Variants in PCDHA10 observed in about 807,000 individuals in gnomAD.
The protein encoded by PCDHA10 is protocadherin alpha 10.
PCDHA10 carries 45 observed loss-of-function variants against 61.2 expected under a neutral mutation model. The ratio of observed to expected loss-of-function variants is 0.74; its 90% CI spans 0.58 to 0.94. The LOEUF (loss-of-function observed/expected upper bound fraction) is 0.94. Among genes scored for constraint, PCDHA10 ranks in the 40% least tolerant of loss-of-function variants. The pLI is 0.00. For missense variants in PCDHA10, 1,278 were observed against 1,236.2 expected (o/e 1.03, Z -0.51); for synonymous variants, 602 against 548.8 (o/e 1.10, Z -1.35).
intron 1 of PCDHA10, among the ~76,000 whole-genome samples, chr5:140,878,558 C>T: frequency 6.6e-6 from 1 of 152,172 alleles, no homozygotes; most frequent in African/African-American, 2.4e-5. Flanking sequence ...TGATCCCAAA[C>T]TTATCATAGT....
chr5:140,924,712 T>C (rs1481544117), intron 1 of PCDHA10, among the ~76,000 whole-genome samples: 1 of 151,870 alleles, frequency 6.6e-6, no homozygotes, highest in African/African-American at 2.4e-5. Context: ...TTGTGCAACA[T>C]GGCGAAACCT....
At chr5:140,968,659 C>A (rs781863651) in intron 1 of PCDHA10, 6 of 1,614,160 alleles carry the variant, frequency 3.7e-6, no homozygotes, top group East Asian at 2.2e-5. Context: ...CTGACCTGGA[C>A]CTCTTTAAGG....
Position 140,857,399 on chromosome 5 carries a change from G to C in PCDHA10, c.1351G>C (p.Ala451Pro), listed in dbSNP as rs375062704. The change falls in exon 1 of 4, where the codon GCG becomes CCG. Residue 451 changes from alanine to proline, a missense_variant. By Grantham distance (27) the Ala-to-Pro change is conservative. Transcript: ENST00000307360. ...SVEVADVNDN[A>P]PAFAQSEYTV... is the part of the protein sequence containing the mutation. ...GGAGGTGGCCGACGTGAACGACAAC[G>C]CGCCTGCGTTCGCGCAGTCCGAGTA... The C allele has an allele frequency of 2.5e-6, 4 of 1,598,394 alleles. No individual in the cohort carries two copies. Among genetic ancestry groups the C allele is most frequent in the Admixed American group, 3.4e-5 (2 of 59,326 alleles).
chr5:141,003,740 C>T (rs1490080996), intron 3 of PCDHA10, among the ~76,000 whole-genome samples: 1 of 152,146 alleles, frequency 6.6e-6, no homozygotes, highest in African/African-American at 2.4e-5. Flanking sequence ...AAAGCAAAAC[C>T]ATATTTTGTA....
Position 140,997,511 on chromosome 5 carries a change from G to A in PCDHA10, c.2537-12116G>A, listed in dbSNP as rs565737825. Among the ~76,000 whole-genome samples, 79 of 152,108 alleles carry A rather than the reference G, an allele frequency of 5.2e-4. No individual in the cohort carries two copies. In the South Asian group the frequency reaches 1.0e-2, roughly 19 times the overall value. ...TTTGTGTATCTCAACATACCTAAACGCAGAAAAAGTACAATAAAAATACAT... is the reference window on the plus strand; with the variant it reads ...TTTGTGTATCTCAACATACCTAAACACAGAAAAAGTACAATAAAAATACAT... On this transcript the variant is annotated intron_variant, in intron 3 of 3. Transcript: ENST00000307360.
At chr5:141,004,156 A>G (rs2098155888) in intron 3 of PCDHA10, among the ~76,000 whole-genome samples, 1 of 152,248 alleles carries the variant, frequency 6.6e-6, no homozygotes, top group Admixed American at 6.5e-5. Flanking sequence ...GACATTTTAT[A>G]GGCAAAGCCA....
chr5:140,877,366 A>G (rs1358364554), intron 1 of PCDHA10: 1 of 1,613,868 alleles, frequency 6.2e-7, no homozygotes, highest in Non-Finnish European at 8.5e-7. Context: ...TGGCGAGATC[A>G]GCACGACACG....
chr5:140,870,028 T>G, intron 1 of PCDHA10: 1 of 1,613,550 alleles, frequency 6.2e-7, no homozygotes, highest in Non-Finnish European at 8.5e-7. Context: ...AACTTTAGAT[T>G]ATGAAGAAAA....
In PCDHA10 at chr5:140,877,160, C is replaced by A. The variant is rs782531082; in HGVS notation, c.2388+18724C>A. 4 of 1,613,814 alleles carry A rather than the reference C, an allele frequency of 2.5e-6. No individual in the cohort carries two copies. Among genetic ancestry groups the A allele is most frequent in the African/African-American group, 2.7e-5 (2 of 75,052 alleles). On this transcript the variant is annotated intron_variant, in intron 1 of 3. Transcript: ENST00000307360. ...GTGCTGGACGAGAACGACAACGCGC[C>A]GGCACTGCTGGCGACTCCGGCTGGC...
intron 1 of PCDHA10, among the ~76,000 whole-genome samples, chr5:140,955,950 C>G (rs2095241045): frequency 6.6e-6 from 1 of 151,920 alleles, no homozygotes; most frequent in African/African-American, 2.4e-5. Flanking sequence ...TGTCTACTTG[C>G]TTGTTGTTTG....
At chr5:140,925,812 A>G (rs2082739434) in intron 1 of PCDHA10, among the ~76,000 whole-genome samples, 1 of 151,890 alleles carries the variant, frequency 6.6e-6, no homozygotes. Flanking sequence ...TCCACTTCTC[A>G]CGTCTTCTTT....
chr5:140,885,335 A>T (rs183720535), intron 1 of PCDHA10, among the ~76,000 whole-genome samples: 2 of 152,246 alleles, frequency 1.3e-5, no homozygotes, highest in East Asian at 3.9e-4. Context: ...CCAAAGTTTG[A>T]AGGGATTTCC....
chr5:141,006,441 C>T (rs2098274470), intron 3 of PCDHA10, among the ~76,000 whole-genome samples: 1 of 152,110 alleles, frequency 6.6e-6, no homozygotes, highest in Non-Finnish European at 1.5e-5. Flanking sequence ...TCTCAATCTC[C>T]TGACCTCGAG....
At position 141,011,610 on chromosome 5, in the gene PCDHA10, A is replaced by G. The variant is rs1259686391; in HGVS notation, c.*1673A>G. ...ACTGGTGATTCAAGGAATTTTATTT[A>G]TGGTCCAGCCAAGAGCCATCTCGTG... On this transcript the variant is annotated 3_prime_UTR_variant, in exon 4 of 4. Transcript: ENST00000307360. 6 of 153,722 alleles carry G rather than the reference A, an allele frequency of 3.9e-5. No individual in the cohort carries two copies. Among genetic ancestry groups the G allele is most frequent in the African/African-American group, 1.2e-4 (5 of 41,448 alleles). 9.5% of individuals were successfully genotyped at this position (153,722 alleles called of 1,614,324 possible). A position where few individuals can be genotyped will look rare whatever the true frequency, so the allele number is the denominator to read the frequency against.
At chr5:140,997,062 G>T (rs1159348962) in intron 3 of PCDHA10, among the ~76,000 whole-genome samples, 2 of 151,910 alleles carry the variant, frequency 1.3e-5, no homozygotes, top group African/African-American at 4.8e-5. Flanking sequence ...GCAGTTTTAG[G>T]TTCACAGGAA....
At chr5:140,952,088 A>G (rs2094684736) in intron 1 of PCDHA10, among the ~76,000 whole-genome samples, 1 of 152,154 alleles carries the variant, frequency 6.6e-6, no homozygotes, top group South Asian at 2.1e-4. Flanking sequence ...TCCATGTCTC[A>G]CATCCAGGGC....
chr5:140,966,709 G>C, intron 1 of PCDHA10: 1 of 1,387,174 alleles, frequency 7.2e-7, no homozygotes. Context: ...CGTGGGGCAC[G>C]GCTGGGGAAG....
At chr5:140,875,464 T>A (rs782432702) in intron 1 of PCDHA10, 1 of 1,599,740 alleles carries the variant, frequency 6.3e-7, no homozygotes, top group Admixed American at 1.7e-5. Flanking sequence ...GAGGCCCTCA[T>A]TTTCTGCAAT....
chr5:140,983,806 G>T (rs981942088), intron 3 of PCDHA10, among the ~76,000 whole-genome samples: 1 of 152,110 alleles, frequency 6.6e-6, no homozygotes, highest in Non-Finnish European at 1.5e-5. Flanking sequence ...GTGTGTAAAA[G>T]GTTTTTTCCC....
Sources: allele counts gnomAD v4.1 joint callset (sites outside exome capture counted in the v4.1 genomes callset), GRCh38; gene constraint gnomAD v4.1.1; transcripts MANE v1.5; gene names NCBI Gene and HGNC (gene_info 2026-07-23, HGNC 2026-07-21).